The following MAPK8 variants were observed in gnomAD, a reference collection of about 807,000 sequenced individuals.
The protein encoded by MAPK8 is JUN N-terminal kinase.
Under a neutral mutation model 52.9 loss-of-function variants are expected in MAPK8, and 13 were observed. The observed-to-expected ratio is 0.25, with a 90% CI of 0.16 to 0.39. The LOEUF is 0.39. MAPK8 is among the 10% of genes least tolerant of loss of function. The pLI is 1.00. For missense variants in MAPK8, 300 were observed against 519.2 expected (o/e 0.58, Z 4.10); for synonymous variants, 191 against 169.8 (o/e 1.12, Z -0.97).
intron 3 of MAPK8, among the ~76,000 whole-genome samples, chr10:48,406,001 G>A (rs906742020): frequency 3.3e-5 from 5 of 152,146 alleles, no homozygotes; most frequent in African/African-American, 1.2e-4. Flanking sequence ...ACATCACAAA[G>A]CAGTGGCCGT....
intron 1 of MAPK8, among the ~76,000 whole-genome samples, chr10:48,309,162 T>G (rs1841705136): frequency 6.6e-6 from 1 of 152,190 alleles, no homozygotes; most frequent in Non-Finnish European, 1.5e-5. Context: ...GTTTTCCAAA[T>G]TGTTGGTTTT....
intron 1 of MAPK8, among the ~76,000 whole-genome samples, chr10:48,385,078 G>T (rs182598413): frequency 6.6e-6 from 1 of 152,298 alleles, no homozygotes; most frequent in East Asian, 1.9e-4. Context: ...GTTATTTATT[G>T]TCTATACATT....
At chr10:48,338,632 A>G (rs577629865) in intron 1 of MAPK8, among the ~76,000 whole-genome samples, 1 of 152,282 alleles carries the variant, frequency 6.6e-6, no homozygotes, top group South Asian at 2.1e-4. Flanking sequence ...GAGGAAGTCA[A>G]ATTATATGCT....
intron 1 of MAPK8, among the ~76,000 whole-genome samples, chr10:48,380,175 G>T (rs994186737): frequency 6.6e-6 from 1 of 152,088 alleles, no homozygotes; most frequent in Non-Finnish European, 1.5e-5. Flanking sequence ...CTGGGAGGCG[G>T]ATGTTGCAGT....
intron 1 of MAPK8, among the ~76,000 whole-genome samples, chr10:48,362,737 G>GTTTTTTTT (rs10715224): frequency 1.1e-5 from 1 of 87,738 alleles, no homozygotes; most frequent in Non-Finnish European, 2.2e-5. Context: ...AATTTTATTA[G>GTTTTTTTT]TTTTTTTTTT....
intron 1 of MAPK8, among the ~76,000 whole-genome samples, chr10:48,391,816 GTTAGA>G (rs1272650889): frequency 1.3e-5 from 2 of 152,248 alleles, no homozygotes; most frequent in Non-Finnish European, 2.9e-5. Flanking sequence ...CTCTCTTTGG[GTTAGA>G]TTAATTTGCT....
intron 1 of MAPK8, among the ~76,000 whole-genome samples, chr10:48,399,038 C>T (rs2042028089): frequency 6.6e-6 from 1 of 152,170 alleles, no homozygotes; most frequent in South Asian, 2.1e-4. Flanking sequence ...AAAGCTCTCT[C>T]CTCTCCCTGT....
In MAPK8 at chr10:48,431,028, T is replaced by C. The variant is rs1294111916; in HGVS notation, c.1061-165T>C. The C allele has an allele frequency of 6.2e-6, 4 of 640,040 alleles. No homozygotes were observed. In the African/African-American group the frequency reaches 7.5e-5, roughly 12 times the overall value. 39.6% of individuals were successfully genotyped at this position (640,040 alleles called of 1,614,324 possible). The stretch of plus-strand genomic sequence containing the variant: ...ATTGTTGAGTGTCAAGGAATTGTTA[T>C]TAATTAACATCCTTGAATCTTAGGC... On this transcript the variant is annotated intron_variant, in intron 10 of 11. Transcript: ENST00000374189.
In MAPK8 at chr10:48,407,133, T is replaced by C. The variant is rs76234477; in HGVS notation, c.252+2152T>C. ...TACTAGTGATTGCTGTGATTGCTTT[T>C]TTCTTCCTTGTTCTGACTTTTCACT... On this transcript the variant is annotated intron_variant, in intron 3 of 11. Coordinates refer to ENST00000374189, the MANE Select transcript of MAPK8 (RefSeq NM_001323329.2). 6.4e-4 allele frequency among the ~76,000 whole-genome samples: 97 copies of C among 152,358 alleles called. 1 individual carries two copies. The East Asian group carries it at 0.017, about 27-fold the overall frequency.
intron 6 of MAPK8, among the ~76,000 whole-genome samples, chr10:48,421,291 T>G (rs1004731280): frequency 2.0e-5 from 3 of 152,244 alleles, no homozygotes; most frequent in African/African-American, 7.2e-5. Context: ...AATTTTTTAT[T>G]CTTAAGTAAA....
intron 1 of MAPK8, among the ~76,000 whole-genome samples, chr10:48,389,180 T>C (rs1417569571): frequency 6.6e-6 from 1 of 152,092 alleles, no homozygotes; most frequent in Admixed American, 6.6e-5. Context: ...AATAGATGCA[T>C]TTGTATGGTG....
chr10:48,425,732 A>C (rs753580680), intron 7 of MAPK8, 156 bp from the exon 8 acceptor site: 6 of 475,168 alleles, frequency 1.3e-5, no homozygotes, highest in Non-Finnish European at 2.2e-5. Flanking sequence ...GTCCACCTAC[A>C]ATCATTGCCT....
intron 3 of MAPK8, among the ~76,000 whole-genome samples, chr10:48,405,493 G>A (rs1406811624): frequency 6.6e-6 from 1 of 152,162 alleles, no homozygotes; most frequent in African/African-American, 2.4e-5. Context: ...GAAAGTGTTT[G>A]AAACTATCTA....
chr10:48,393,297 C>G (rs1452734922), intron 1 of MAPK8, among the ~76,000 whole-genome samples: 2 of 152,026 alleles, frequency 1.3e-5, no homozygotes, highest in African/African-American at 4.8e-5. Context: ...TCAGACTCAA[C>G]AGGTTTAAGA....
intron 5 of MAPK8, 68 bp from the exon 6 acceptor site, chr10:48,420,087 C>A: frequency 8.3e-7 from 1 of 1,210,824 alleles, no homozygotes; most frequent in Non-Finnish European, 1.2e-6. Context: ...GATAGTATAA[C>A]TTTATTGTGA....
At chr10:48,412,760 C>T (rs1439047739) in intron 5 of MAPK8, among the ~76,000 whole-genome samples, 2 of 152,180 alleles carry the variant, frequency 1.3e-5, no homozygotes, top group Admixed American at 6.5e-5. Context: ...GGAAATATTT[C>T]CCAATGTTTT....
At chr10:48,337,703 T>C (rs1844832305) in intron 1 of MAPK8, among the ~76,000 whole-genome samples, 1 of 152,082 alleles carries the variant, frequency 6.6e-6, no homozygotes, top group Non-Finnish European at 1.5e-5. Flanking sequence ...ATTGATAGAC[T>C]GCCAGCTAGA....
Position 48,333,520 on chromosome 10 carries a change from G to C in MAPK8, c.-50+26699G>C, listed in dbSNP as rs549427970. Among the ~76,000 whole-genome samples the C allele has an allele frequency of 2.0e-5, 3 of 152,344 alleles. No individual in the cohort carries two copies. The South Asian group carries it at 6.2e-4, about 32-fold the overall frequency. ...AGGGCCATGCCCTAGTCTACTGTTAGAAACAGGTGGAATGGGTTCTCTAAA... is the reference window on the plus strand; with the variant it reads ...AGGGCCATGCCCTAGTCTACTGTTACAAACAGGTGGAATGGGTTCTCTAAA... On this transcript the variant is annotated intron_variant, in intron 1 of 11. Transcript: ENST00000374189.
Position 48,328,646 on chromosome 10 carries a change from A to G in MAPK8, c.-50+21825A>G, listed in dbSNP as rs191213830. Among the ~76,000 whole-genome samples, 13 of 152,364 alleles carry G rather than the reference A, an allele frequency of 8.5e-5. No homozygotes were observed. In the East Asian group the frequency reaches 2.3e-3, roughly 27 times the overall value. The stretch of plus-strand genomic sequence containing the variant: ...TAAACAGATTTGACACATTGAGATC[A>G]GCACTTTTGCCTTTTTTTGGTAGTC... On this transcript the variant is annotated intron_variant, in intron 1 of 11. Coordinates refer to ENST00000374189, the MANE Select transcript of MAPK8 (RefSeq NM_001323329.2).
Sources: gnomAD v4.1 joint callset for allele counts (sites outside exome capture counted in the v4.1 genomes callset) on GRCh38, gnomAD v4.1.1 for gene constraint, MANE v1.5 for transcripts, NCBI Gene and HGNC (gene_info 2026-07-23, HGNC 2026-07-21) for gene names.